ZC2HC1B: variants seen among roughly 807,000 people sequenced by gnomAD.
The protein encoded by ZC2HC1B is zinc finger C2HC domain-containing protein 1B.
ZC2HC1B carries 36 observed loss-of-function variants against 31.0 expected under a neutral mutation model. The observed-to-expected ratio is 1.16, with a 90% CI of 0.89 to 1.54. The LOEUF is 1.54. Among genes scored for constraint, ZC2HC1B ranks in the 40% most tolerant of loss-of-function variants. ZC2HC1B has a pLI of 0.00. For missense variants in ZC2HC1B, 260 were observed against 268.6 expected (o/e 0.97, Z 0.22); for synonymous variants, 73 against 88.0 (o/e 0.83, Z 0.95).
At position 143,886,173 on chromosome 6, in the gene ZC2HC1B, G is replaced by T; in HGVS notation, c.210+22G>T. The T allele has an allele frequency of 1.3e-6, 2 of 1,505,544 alleles. No homozygotes were observed. Among genetic ancestry groups the T allele is most frequent in the Non-Finnish European group, 1.8e-6 (2 of 1,131,254 alleles). 93.3% of individuals were successfully genotyped at this position (1,505,544 alleles called of 1,614,324 possible). A position where few individuals can be genotyped will look rare whatever the true frequency, so the allele number is the denominator to read the frequency against. On this transcript the variant is annotated intron_variant, in intron 3 of 7. Coordinates refer to ENST00000237275, the MANE Select transcript of ZC2HC1B (RefSeq NM_001013623.3). This position sits in a 1 kb window ranked among gnomAD's most constrained non-coding sequence, Gnocchi z 4.2. ...CAAGGTACTCCTGATATCTTCTTTA[G>T]TGTTTGTTATTACATTCTGCGGTAC... is the stretch of plus-strand genomic sequence containing the variant.
In ZC2HC1B at chr6:143,887,204, A is replaced by G. The variant is rs983366896; in HGVS notation, c.349+383A>G. 9.2e-5 allele frequency among the ~76,000 whole-genome samples: 14 copies of G among 152,244 alleles called. No homozygotes were observed. The highest frequency in any genetic ancestry group is 2.6e-4 in the Admixed American group (4 of 15,284). On this transcript the variant is annotated intron_variant, in intron 4 of 7. Coordinates refer to ENST00000237275, the MANE Select transcript of ZC2HC1B (RefSeq NM_001013623.3). This position sits in a 1 kb window ranked among gnomAD's most constrained non-coding sequence, Gnocchi z 5.1. ...AAACATGAAATTTAGCATTTTAACC[A>G]TTTGAAGCTGTACAATTTAGTACCC...
At position 143,887,601 on chromosome 6, in the gene ZC2HC1B, A is replaced by G. The variant is rs1777545383; in HGVS notation, c.349+780A>G. Among the ~76,000 whole-genome samples, 1 of 152,112 alleles carries G rather than the reference A, an allele frequency of 6.6e-6. No homozygotes were observed. Among genetic ancestry groups the G allele is most frequent in the African/African-American group, 2.4e-5 (1 of 41,434 alleles). ...CACAGTTTACATATTACCTTTTGTT[A>G]TCTCTTCGGTCTTTATTAAATCTTG... On this transcript the variant is annotated intron_variant, in intron 4 of 7. Transcript: ENST00000237275. This position sits in a 1 kb window ranked among gnomAD's most constrained non-coding sequence, Gnocchi z 5.1.
rs1777246817 is a variant in ZC2HC1B, at chr6:143,865,484, A to G, written c.28+917A>G. Among the ~76,000 whole-genome samples, 1 of 152,134 alleles carries G rather than the reference A, an allele frequency of 6.6e-6. No homozygotes were observed. The highest frequency in any genetic ancestry group is 2.4e-5 in the African/African-American group (1 of 41,412). On this transcript the variant is annotated intron_variant, in intron 1 of 7. Coordinates refer to ENST00000237275, the MANE Select transcript of ZC2HC1B (RefSeq NM_001013623.3). The surrounding 1 kb of genome is among the most constrained non-coding windows in gnomAD (Gnocchi z 4.4). ...CTGAGCTTGTATTTAAAAATCCTGCACGCATCCCTCCCCTGCATCCTTGAC... is the reference window on the plus strand; with the variant it reads ...CTGAGCTTGTATTTAAAAATCCTGCGCGCATCCCTCCCCTGCATCCTTGAC...
rs542616064 is a variant in ZC2HC1B at position 143,879,005 on chromosome 6, C to T, written c.29-5299C>T. 1.1e-4 allele frequency among the ~76,000 whole-genome samples: 17 copies of T among 152,156 alleles called. No individual in the cohort carries two copies. In the East Asian group the frequency reaches 1.7e-3, roughly 16 times the overall value. ...ATTTATCCAAGGAGTAGGAGACTTG[C>T]GGTGTGGGGCAGGGGTTGGGGGCAG... On this transcript the variant is annotated intron_variant, in intron 1 of 7. Transcript: ENST00000237275.
In ZC2HC1B at chr6:143,908,187, T is replaced by C. The variant is rs891705026; in HGVS notation, c.598+5035T>C. On this transcript the variant is annotated intron_variant, in intron 6 of 7. Transcript: ENST00000237275. This position sits in a 1 kb window ranked among gnomAD's most constrained non-coding sequence, Gnocchi z 4.4. Reference sequence around the variant, plus strand: ...TGTTTTGGTTACTGTAGCCTTGTAGTGTAGTTTGAAGTTGGGTAGCGTGAT... The same window carrying C: ...TGTTTTGGTTACTGTAGCCTTGTAGCGTAGTTTGAAGTTGGGTAGCGTGAT... Among the ~76,000 whole-genome samples the C allele has an allele frequency of 6.6e-6, 1 of 152,188 alleles. No individual in the cohort carries two copies. The highest frequency in any genetic ancestry group is 2.4e-5 in the African/African-American group (1 of 41,446).
Position 143,884,463 on chromosome 6 carries a change from G to A in ZC2HC1B, c.90+98G>A, listed in dbSNP as rs1777507249. 3 of 1,180,974 alleles carry A rather than the reference G, an allele frequency of 2.5e-6. No individual in the cohort carries two copies. The highest frequency in any genetic ancestry group is 2.7e-5 in the East Asian group (1 of 37,146). 73.2% of individuals were successfully genotyped at this position (1,180,974 alleles called of 1,614,324 possible). ...AGTGCAAAGATTAAAGACAGATGTG[G>A]AGGGGAAGCAAGGGAAGAGGAAAAG... On this transcript the variant is annotated intron_variant, in intron 2 of 7. Transcript: ENST00000237275. This position sits in a 1 kb window ranked among gnomAD's most constrained non-coding sequence, Gnocchi z 5.1.
Position 143,938,016 on chromosome 6 carries a change from A to T in ZC2HC1B, c.*15-126A>T, listed in dbSNP as rs1367221091. 4.5e-6 allele frequency: 1 copy of T among 221,580 alleles called. No homozygotes were observed. The highest frequency in any genetic ancestry group is 2.3e-5 in the African/African-American group (1 of 43,712). 13.7% of individuals were successfully genotyped at this position (221,580 alleles called of 1,614,324 possible). A position where few individuals can be genotyped will look rare whatever the true frequency, so the allele number is the denominator to read the frequency against. ...TCTAAGCACCTTACCCTCACAAAGA[A>T]TAGTTCCCTGAGGGTGTGAATTGTT... On this transcript the variant is annotated intron_variant, in intron 7 of 7. Transcript: ENST00000237275. This position sits in a 1 kb window ranked among gnomAD's most constrained non-coding sequence, Gnocchi z 4.2.
At chr6:143,864,686 C>G in intron 1 of ZC2HC1B, 119 bp downstream of exon 1, 3 of 1,123,740 alleles carry the variant, frequency 2.7e-6, no homozygotes, top group Non-Finnish European at 3.8e-6. Context: ...CCGTTTAAAT[C>G]TAAGTATTGT....
rs939006134 is a variant in ZC2HC1B at position 143,884,226 on chromosome 6, G to A, written c.29-78G>A. 7.6e-7 allele frequency: 1 copy of A among 1,323,266 alleles called. No homozygotes were observed. Among genetic ancestry groups the A allele is most frequent in the Non-Finnish European group, 1.0e-6 (1 of 964,214 alleles). The allele number at this position is 1,323,266 out of a possible 1,614,324, so 82.0% of individuals were successfully genotyped here. A position where few individuals can be genotyped will look rare whatever the true frequency, so the allele number is the denominator to read the frequency against. On this transcript the variant is annotated intron_variant, in intron 1 of 7. Coordinates refer to ENST00000237275, the MANE Select transcript of ZC2HC1B (RefSeq NM_001013623.3). The surrounding 1 kb of genome is among the most constrained non-coding windows in gnomAD (Gnocchi z 5.1). ...AGAGTGAGGATATCAAGCTATTGAG[G>A]TCACCTCCAGTCAGTCATTTCTTCT...
chr6:143,865,034 A>G lies in ZC2HC1B; in HGVS notation c.28+467A>G. 6.6e-6 allele frequency among the ~76,000 whole-genome samples: 1 copy of G among 152,338 alleles called. No homozygotes were observed. Among genetic ancestry groups the G allele is most frequent in the East Asian group, 1.9e-4 (1 of 5,188 alleles). Reference sequence around the variant, plus strand: ...CACTGTGTTTAAATCCATATATTATATATTTTGCAATTAAGAGAAAAAGAC... The same window carrying G: ...CACTGTGTTTAAATCCATATATTATGTATTTTGCAATTAAGAGAAAAAGAC... On this transcript the variant is annotated intron_variant, in intron 1 of 7. Transcript: ENST00000237275. This position sits in a 1 kb window ranked among gnomAD's most constrained non-coding sequence, Gnocchi z 4.4.
chr6:143,920,481 G>GA (rs1217345438), intron 6 of ZC2HC1B, among the ~76,000 whole-genome samples: 2 of 152,190 alleles, frequency 1.3e-5, no homozygotes, highest in East Asian at 3.8e-4. Flanking sequence ...ACATTATAAA[G>GA]ATACCATTCT....
chr6:143,886,585 A>T lies in ZC2HC1B; in HGVS notation c.211-98A>T. 1 of 1,197,930 alleles carries T rather than the reference A, an allele frequency of 8.3e-7. No individual in the cohort carries two copies. The highest frequency in any genetic ancestry group is 1.1e-6 in the Non-Finnish European group (1 of 921,356). 74.2% of individuals were successfully genotyped at this position (1,197,930 alleles called of 1,614,324 possible). On this transcript the variant is annotated intron_variant, in intron 3 of 7. Coordinates refer to ENST00000237275, the MANE Select transcript of ZC2HC1B (RefSeq NM_001013623.3). The surrounding 1 kb of genome is among the most constrained non-coding windows in gnomAD (Gnocchi z 4.2). Reference sequence around the variant, plus strand: ...AACTCTCCTTTTCCCCAATTTTCACAGTTCTGTTTCCTGTGAATTCAAATT... The same window carrying T: ...AACTCTCCTTTTCCCCAATTTTCACTGTTCTGTTTCCTGTGAATTCAAATT...
chr6:143,916,303 T>C (rs1777915667), intron 6 of ZC2HC1B, among the ~76,000 whole-genome samples: 1 of 152,180 alleles, frequency 6.6e-6, no homozygotes, highest in Admixed American at 6.5e-5. Context: ...CTGTCTAGAT[T>C]TCAGAAGATG....
At position 143,904,936 on chromosome 6, in the gene ZC2HC1B, G is replaced by T. The variant is rs1431086949; in HGVS notation, c.598+1784G>T. Among the ~76,000 whole-genome samples, 5 of 152,256 alleles carry T rather than the reference G, an allele frequency of 3.3e-5. No individual in the cohort carries two copies. In the East Asian group the frequency reaches 9.6e-4, roughly 29 times the overall value. On this transcript the variant is annotated intron_variant, in intron 6 of 7. Transcript: ENST00000237275. ...TCTATTCTATTTCATTGGTTTATAT[G>T]TCTGTCTTTATGCCAGTATTATATT...
At position 143,918,958 on chromosome 6, in the gene ZC2HC1B, G is replaced by C. The variant is rs146359613; in HGVS notation, c.598+15806G>C. Among the ~76,000 whole-genome samples, 325 of 151,956 alleles carry C rather than the reference G, an allele frequency of 2.1e-3. 7 individuals are homozygous for C. In the East Asian group the frequency reaches 0.039, roughly 18 times the overall value. On this transcript the variant is annotated intron_variant, in intron 6 of 7. Transcript: ENST00000237275. The surrounding 1 kb of genome is among the most constrained non-coding windows in gnomAD (Gnocchi z 4.1). The stretch of plus-strand genomic sequence containing the variant: ...CATTTTGTTCATAGATCTTTTTCTT[G>C]AGTCTCTTCACATCTTTTTTTAGTT...
chr6:143,929,941 C>T (rs921779599), intron 6 of ZC2HC1B, among the ~76,000 whole-genome samples: 2 of 152,074 alleles, frequency 1.3e-5, no homozygotes, highest in Non-Finnish European at 2.9e-5. Context: ...GTAATGTCTC[C>T]TTTTTCTTTT....
At position 143,886,872 on chromosome 6, in the gene ZC2HC1B, A is replaced by T. The variant is rs1194268651; in HGVS notation, c.349+51A>T. The T allele has an allele frequency of 7.0e-7, 1 of 1,432,456 alleles. No individual in the cohort carries two copies. The highest frequency in any genetic ancestry group is 3.0e-5 in the Admixed American group (1 of 33,888). The allele number at this position is 1,432,456 out of a possible 1,614,324, so 88.7% of individuals were successfully genotyped here. Reference sequence around the variant, plus strand: ...TGAGGCTATGCTTGACTTTTGACCAAATCATCATGCCCTCTATGCACTCTG... The same window carrying T: ...TGAGGCTATGCTTGACTTTTGACCATATCATCATGCCCTCTATGCACTCTG... On this transcript the variant is annotated intron_variant, in intron 4 of 7. Transcript: ENST00000237275. The surrounding 1 kb of genome is among the most constrained non-coding windows in gnomAD (Gnocchi z 4.2).
intron 1 of ZC2HC1B, among the ~76,000 whole-genome samples, chr6:143,877,991 A>G (rs1157762577): frequency 2.0e-5 from 3 of 150,832 alleles, no homozygotes; most frequent in Admixed American, 6.6e-5. Context: ...GTATATATGT[A>G]CCTGTATACA....
rs1396909788 is a variant in ZC2HC1B, at chr6:143,923,083, T to G, written c.599-14566T>G. On this transcript the variant is annotated intron_variant, in intron 6 of 7. Coordinates refer to ENST00000237275, the MANE Select transcript of ZC2HC1B (RefSeq NM_001013623.3). This position sits in a 1 kb window ranked among gnomAD's most constrained non-coding sequence, Gnocchi z 4.8. ...GGTAAGATTTTGTCTCATTGCGTCT[T>G]GGATTGGCATTTCCCTGATAATTAA... Among the ~76,000 whole-genome samples the G allele has an allele frequency of 6.6e-6, 1 of 152,188 alleles. No homozygotes were observed. Among genetic ancestry groups the G allele is most frequent in the Admixed American group, 6.6e-5 (1 of 15,264 alleles).
Sources: allele counts gnomAD v4.1 joint callset (sites outside exome capture counted in the v4.1 genomes callset), GRCh38; gene constraint gnomAD v4.1.1; non-coding constraint Gnocchi (gnomAD v3.1); transcripts MANE v1.5; gene names NCBI Gene and HGNC (gene_info 2026-07-23, HGNC 2026-07-21).